GFOD2: variants seen among roughly 807,000 people sequenced by gnomAD.
GFOD2 encodes the protein Gfo/Idh/MocA-like oxidoreductase domain containing 2, also known as glucose-fructose oxidoreductase domain-containing protein 2.
A neutral mutation model predicts 24.6 loss-of-function variants in GFOD2; 9 were observed. The ratio of observed to expected loss-of-function variants is 0.37; its 90% CI spans 0.22 to 0.64. GFOD2 has a LOEUF of 0.64. GFOD2 is among the 30% of genes least tolerant of loss of function. The pLI, the probability that GFOD2 is intolerant of heterozygous loss-of-function variation, is 0.65. For synonymous variants in GFOD2, 211 were observed against 224.8 expected (o/e 0.94, Z 0.55); for missense variants, 476 against 532.5 (o/e 0.89, Z 1.04).
chr16:67,686,838 A>ACAAG (rs1567655885), intron 1 of GFOD2, among the ~76,000 whole-genome samples: 2 of 151,698 alleles, frequency 1.3e-5, no homozygotes. Flanking sequence ...CTCTATCCAA[A>ACAAG]AAAGAAAGAA....
At chr16:67,708,865 T>C (rs2053455195) in intron 1 of GFOD2, among the ~76,000 whole-genome samples, 2 of 151,950 alleles carry the variant, frequency 1.3e-5, no homozygotes, top group Admixed American at 1.3e-4. Context: ...TTCCCTTTAT[T>C]TGAAATGCAA....
intron 2 of GFOD2, among the ~76,000 whole-genome samples, chr16:67,678,976 T>G (rs2053203975): frequency 6.6e-6 from 1 of 152,098 alleles, no homozygotes; most frequent in Admixed American, 6.6e-5. Flanking sequence ...AAAATCAGCC[T>G]GGGCAACATA....
At position 67,681,203 on chromosome 16, in the gene GFOD2, T is replaced by A; in HGVS notation, c.259+4254A>T. ...CTCAGACACCCCACCTGAGAGCTGC[T>A]GTTCTGGCCAATTCAGAAGCCTCCT... On this transcript the variant is annotated intron_variant, in intron 2 of 2. Coordinates refer to ENST00000268797, the MANE Select transcript of GFOD2 (RefSeq NM_030819.4). The A allele has an allele frequency of 6.1e-6, 6 of 985,480 alleles. No homozygotes were observed. The South Asian group carries it at 2.3e-4, about 39-fold the overall frequency. The allele number at this position is 985,480 out of a possible 1,614,324, so 61.0% of individuals were successfully genotyped here.
chr16:67,682,772 G>T lies in GFOD2; in HGVS notation c.259+2685C>A. ...CTCTAGCAAGGAGAGAAAAATCACAGCACGAAGACTTGGTGAAATGTAACC... is the reference window on the plus strand; with the variant it reads ...CTCTAGCAAGGAGAGAAAAATCACATCACGAAGACTTGGTGAAATGTAACC... On this transcript the variant is annotated intron_variant, in intron 2 of 2. Coordinates refer to ENST00000268797, the MANE Select transcript of GFOD2 (RefSeq NM_030819.4). 4 of 985,300 alleles carry T rather than the reference G, an allele frequency of 4.1e-6. No homozygotes were observed. In the African/African-American group the frequency reaches 7.0e-5, roughly 17 times the overall value. 61.0% of individuals were successfully genotyped at this position (985,300 alleles called of 1,614,324 possible).
chr16:67,683,602 T>C (rs2053244031), intron 2 of GFOD2: 1 of 1,231,686 alleles, frequency 8.1e-7, no homozygotes. Flanking sequence ...AAACAAACAA[T>C]AAGGCCAAAA....
chr16:67,690,087 T>C (rs572464861), intron 1 of GFOD2, among the ~76,000 whole-genome samples: 1 of 152,242 alleles, frequency 6.6e-6, no homozygotes, highest in Non-Finnish European at 1.5e-5. Flanking sequence ...AATGGACACC[T>C]GGGTTGCTTC....
intron 2 of GFOD2, chr16:67,684,810 A>G (rs547628829): frequency 2.0e-6 from 2 of 985,636 alleles, no homozygotes; most frequent in African/African-American, 3.5e-5. Context: ...CTGGAAATAG[A>G]AGACCAACGG....
chr16:67,696,082 C>T (rs1056851174), intron 1 of GFOD2, among the ~76,000 whole-genome samples: 6 of 151,030 alleles, frequency 4.0e-5, no homozygotes, highest in Non-Finnish European at 8.8e-5. Flanking sequence ...GGCACGATCT[C>T]GGCTCACTGC....
chr16:67,691,686 T>A (rs1000596577), intron 1 of GFOD2, among the ~76,000 whole-genome samples: 9 of 152,090 alleles, frequency 5.9e-5, no homozygotes, highest in Non-Finnish European at 1.3e-4. Flanking sequence ...ACCTTCTATA[T>A]ACTTGCAATA....
At chr16:67,706,505 T>C (rs769449620) in intron 1 of GFOD2, among the ~76,000 whole-genome samples, 38 of 152,164 alleles carry the variant, frequency 2.5e-4, no homozygotes, top group Non-Finnish European at 5.1e-4. Context: ...GATATCCATA[T>C]GGCAAACAAC....
intron 1 of GFOD2, among the ~76,000 whole-genome samples, chr16:67,696,881 C>T (rs2053363565): frequency 6.6e-6 from 1 of 152,210 alleles, no homozygotes. Flanking sequence ...GGCATGAAGG[C>T]AGGCAGGCTT....
intron 2 of GFOD2, chr16:67,681,057 C>T: frequency 2.0e-6 from 2 of 985,484 alleles, no homozygotes; most frequent in Non-Finnish European, 2.4e-6. Context: ...TCCAGTGCTT[C>T]TCCACACTTG....
Position 67,685,541 on chromosome 16 carries a change from C to T in GFOD2, c.175G>A (p.Asp59Asn). The change falls in exon 2 of 3, where the codon GAC (aspartate) becomes AAC (asparagine). Residue 59 changes from aspartate to asparagine, a missense_variant. Coordinates refer to ENST00000268797, the MANE Select transcript of GFOD2 (RefSeq NM_030819.4). The part of the protein sequence containing the change: ...NIAFYTSRTD[D>N]ILLHQDVDLV... ...TCCACATCTTGATGCAGCAAGATGTCATCAGTCCGGCTGGTGTAGAAGGCG... is the reference window on the plus strand; with the variant it reads ...TCCACATCTTGATGCAGCAAGATGTTATCAGTCCGGCTGGTGTAGAAGGCG... 6.2e-7 allele frequency: 1 copy of T among 1,614,126 alleles called. No individual in the cohort carries two copies. Among genetic ancestry groups the T allele is most frequent in the Non-Finnish European group, 8.5e-7 (1 of 1,179,992 alleles).
At chr16:67,684,941 G>T (rs1267797473) in intron 2 of GFOD2, 9 of 999,696 alleles carry the variant, frequency 9.0e-6, no homozygotes, top group Non-Finnish European at 1.1e-5. Flanking sequence ...TCCTGTCAGG[G>T]AAGCCCAATG....
At chr16:67,682,807 T>C (rs777497236) in intron 2 of GFOD2, 1 of 985,398 alleles carries the variant, frequency 1.0e-6, no homozygotes, top group Non-Finnish European at 1.2e-6. Flanking sequence ...CAAGATGTCA[T>C]TCCTTAATGC....
At position 67,675,304 on chromosome 16, in the gene GFOD2, A is replaced by C. The variant is rs1292771977; in HGVS notation, c.1009T>G (p.Ser337Ala). Reference protein sequence around the residue: ...WDRTPVSMAASFEDGLYMQSV... With the variant: ...WDRTPVSMAAAFEDGLYMQSV... ...TGCATGTACAGCCCATCCTCGAAGGAGGCGGCCATGGAGACAGGGGTGCGG... is the reference window on the plus strand; with the variant it reads ...TGCATGTACAGCCCATCCTCGAAGGCGGCGGCCATGGAGACAGGGGTGCGG... The change falls in exon 3 of 3, where the codon TCC (serine) becomes GCC (alanine). Residue 337 changes from serine to alanine, a missense_variant. Transcript: ENST00000268797. 6.2e-7 allele frequency: 1 copy of C among 1,612,974 alleles called. No individual in the cohort carries two copies. The highest frequency in any genetic ancestry group is 8.5e-7 in the Non-Finnish European group (1 of 1,180,006).
At chr16:67,693,719 T>C (rs565714815) in intron 1 of GFOD2, among the ~76,000 whole-genome samples, 3 of 152,290 alleles carry the variant, frequency 2.0e-5, no homozygotes, top group South Asian at 2.1e-4. Flanking sequence ...CATTCCATAC[T>C]GAAACTCTGT....
intron 1 of GFOD2, among the ~76,000 whole-genome samples, chr16:67,689,093 G>A (rs2053292064): frequency 1.3e-5 from 2 of 150,106 alleles, no homozygotes; most frequent in Non-Finnish European, 1.5e-5. Flanking sequence ...AGGCTGGAGT[G>A]CAGTGGCGCA....
At chr16:67,712,232 CA>C (rs1222468423) in intron 1 of GFOD2, among the ~76,000 whole-genome samples, 1 of 151,064 alleles carries the variant, frequency 6.6e-6, no homozygotes, top group Non-Finnish European at 1.5e-5. Flanking sequence ...TAGGCTCTTG[CA>C]ATGTTTAAAA....
Sources: gnomAD v4.1 joint callset for allele counts (sites outside exome capture counted in the v4.1 genomes callset) on GRCh38, gnomAD v4.1.1 for gene constraint, MANE v1.5 for transcripts, NCBI Gene and HGNC (gene_info 2026-07-23, HGNC 2026-07-21) for gene names.